INPP4B: variants seen among roughly 807,000 people sequenced by gnomAD.
The protein encoded by INPP4B is inositol polyphosphate 4-phosphatase type II.
INPP4B carries 55 observed loss-of-function variants against 122.5 expected under a neutral mutation model. The ratio of observed to expected loss-of-function variants is 0.45; its 90% confidence interval spans 0.36 to 0.56. The LOEUF (loss-of-function observed/expected upper bound fraction) is 0.56. Ranked by LOEUF, INPP4B falls within the 20% of genes least tolerant of loss-of-function variation. The pLI, the probability that INPP4B is intolerant of heterozygous loss-of-function variation, is 0.00. For synonymous variants in INPP4B, 403 were observed against 388.7 expected, an observed-to-expected ratio of 1.04 and a Z score of -0.43; for missense variants, 1,000 against 1,097.7, an observed-to-expected ratio of 0.91 and a Z score of 1.26.
intron 2 of INPP4B, among the ~76,000 whole-genome samples, chr4:142,526,219 T>TA (rs1201077352): frequency 6.6e-6 from 1 of 152,090 alleles, no homozygotes; most frequent in African/African-American, 2.4e-5. Context: ...GAACATGCTG[T>TA]ATCTATACTA....
chr4:142,717,542 A>C (rs533837676), intron 2 of INPP4B, among the ~76,000 whole-genome samples: 56 of 152,266 alleles, frequency 3.7e-4, no homozygotes, highest in African/African-American at 1.3e-3. Flanking sequence ...CATATACAAC[A>C]TGGAATACTA....
At chr4:142,798,535 A>AC (rs1488723567) in intron 1 of INPP4B, among the ~76,000 whole-genome samples, 1 of 151,804 alleles carries the variant, frequency 6.6e-6, no homozygotes, top group Non-Finnish European at 1.5e-5. Context: ...AGGTGCTAAT[A>AC]CCCCCCAAAC....
At chr4:142,320,565 G>A (rs1312653777) in intron 7 of INPP4B, among the ~76,000 whole-genome samples, 1 of 152,082 alleles carries the variant, frequency 6.6e-6, no homozygotes, top group African/African-American at 2.4e-5. Context: ...TAATTTCTTT[G>A]GTGGTGATTT....
chr4:142,467,736 T>C (rs1263056516), intron 2 of INPP4B, among the ~76,000 whole-genome samples: 2 of 151,998 alleles, frequency 1.3e-5, no homozygotes, highest in South Asian at 4.2e-4. Context: ...CAAAATGATA[T>C]GGTTTGGATG....
chr4:142,124,574 C>A lies in INPP4B; in HGVS notation c.1893+14G>T. 3 of 1,611,810 alleles carry A rather than the reference C, an allele frequency of 1.9e-6. No homozygotes were observed. The highest frequency in any genetic ancestry group is 2.5e-6 in the Non-Finnish European group (3 of 1,178,244). ...CGGCATTGTTTTGTACTAACAATAA[C>A]AACAGGCACCTACTGCTTGGCTGAA... On this transcript the variant is annotated intron_variant, in intron 19 of 25. Coordinates refer to ENST00000262992, the MANE Select transcript of INPP4B (RefSeq NM_001101669.3).
At chr4:142,161,777 G>T (rs1820234835) in intron 16 of INPP4B, among the ~76,000 whole-genome samples, 1 of 151,886 alleles carries the variant, frequency 6.6e-6, no homozygotes, top group African/African-American at 2.4e-5. Context: ...ATTTGCCATA[G>T]ATCATAAAAT....
intron 7 of INPP4B, among the ~76,000 whole-genome samples, chr4:142,381,110 G>A (rs1226648661): frequency 2.0e-5 from 3 of 152,000 alleles, no homozygotes; most frequent in Admixed American, 6.6e-5. Flanking sequence ...TTTCTATGAG[G>A]TTCAAAATTA....
At chr4:142,550,289 C>T (rs1184916424) in intron 2 of INPP4B, among the ~76,000 whole-genome samples, 4 of 152,082 alleles carry the variant, frequency 2.6e-5, no homozygotes, top group Non-Finnish European at 4.4e-5. Context: ...GGAAGCTTTG[C>T]TCTGCTGCAT....
chr4:142,084,449 A>T (rs1775741137), intron 24 of INPP4B, among the ~76,000 whole-genome samples: 2 of 152,194 alleles, frequency 1.3e-5, no homozygotes, highest in South Asian at 2.1e-4. Context: ...AATGTAAAAC[A>T]TTAACTAAAG....
At chr4:142,207,818 G>T (rs1014727619) in intron 14 of INPP4B, among the ~76,000 whole-genome samples, 20 of 152,030 alleles carry the variant, frequency 1.3e-4, no homozygotes, top group African/African-American at 4.8e-4. Context: ...TTGATAAATG[G>T]CAAGAGATTA....
intron 18 of INPP4B, among the ~76,000 whole-genome samples, chr4:142,135,303 T>A (rs1367894546): frequency 6.6e-6 from 1 of 152,222 alleles, no homozygotes; most frequent in Non-Finnish European, 1.5e-5. Context: ...TAAGATGGCA[T>A]GTGCAATAAA....
intron 2 of INPP4B, among the ~76,000 whole-genome samples, chr4:142,493,723 A>T (rs1275344279): frequency 6.6e-6 from 1 of 152,158 alleles, no homozygotes; most frequent in Non-Finnish European, 1.5e-5. Flanking sequence ...GCTCAGGTGG[A>T]AGGGACTTAC....
intron 16 of INPP4B, among the ~76,000 whole-genome samples, chr4:142,161,076 T>G (rs1018016823): frequency 6.6e-6 from 1 of 151,936 alleles, no homozygotes; most frequent in African/African-American, 2.4e-5. Flanking sequence ...CATAAACAGA[T>G]CTCAACAATA....
At chr4:142,780,380 G>A (rs1232113956) in intron 1 of INPP4B, among the ~76,000 whole-genome samples, 1 of 152,044 alleles carries the variant, frequency 6.6e-6, no homozygotes, top group Non-Finnish European at 1.5e-5. Context: ...AGAATCTACA[G>A]GACTTAATCA....
chr4:142,830,672 A>G (rs1782006116), intron 1 of INPP4B, among the ~76,000 whole-genome samples: 1 of 152,034 alleles, frequency 6.6e-6, no homozygotes, highest in Non-Finnish European at 1.5e-5. Context: ...GATTGAATGC[A>G]GAGGTTCAGG....
At chr4:142,433,868 C>G (rs1580051574) in intron 3 of INPP4B, among the ~76,000 whole-genome samples, 1 of 151,878 alleles carries the variant, frequency 6.6e-6, no homozygotes, top group East Asian at 1.9e-4. Flanking sequence ...TGTCATATAC[C>G]AGAGTTCTCA....
chr4:142,215,504 C>T (rs991354038), intron 12 of INPP4B, among the ~76,000 whole-genome samples: 1 of 152,024 alleles, frequency 6.6e-6, no homozygotes, highest in Non-Finnish European at 1.5e-5. Flanking sequence ...GAATGGCATG[C>T]CTACCAGTTA....
Position 142,504,059 on chromosome 4 carries a change from T to C in INPP4B, c.-190-41333A>G, listed in dbSNP as rs796402275. 9.9e-4 allele frequency among the ~76,000 whole-genome samples: 151 copies of C among 152,192 alleles called. 2 individuals are homozygous for C. Among genetic ancestry groups the C allele is most frequent in the African/African-American group, 3.4e-3 (143 of 41,566 alleles). ...TGGAATCCCATAACTTATACATCTA[T>C]TTGATTACATGGTATTTTCTGAGGC... On this transcript the variant is annotated intron_variant, in intron 2 of 25. Transcript: ENST00000262992.
At chr4:142,033,364 C>A (rs982414292) in intron 25 of INPP4B, among the ~76,000 whole-genome samples, 2 of 152,164 alleles carry the variant, frequency 1.3e-5, no homozygotes, top group African/African-American at 4.8e-5. Context: ...TGGTCATTTC[C>A]AGCAGCAGAG....
Sources: allele counts gnomAD v4.1 joint callset (sites outside exome capture counted in the v4.1 genomes callset), GRCh38; gene constraint gnomAD v4.1.1; transcripts MANE v1.5; gene names NCBI Gene and HGNC (gene_info 2026-07-23, HGNC 2026-07-21).